Variants in CEP63 observed in about 807,000 individuals in gnomAD.
CEP63 encodes centrosomal protein of 63 kDa.
In CEP63, 84 loss-of-function variants were observed where a neutral mutation model predicts 89.1. The ratio of observed to expected loss-of-function variants is 0.94; its 90% confidence interval spans 0.79 to 1.13. The LOEUF (loss-of-function observed/expected upper bound fraction) is 1.13. Ranked by LOEUF, CEP63 falls within the 50% of genes most tolerant of loss-of-function variation. CEP63 has a pLI of 0.00. For missense variants in CEP63, 838 were observed against 813.3 expected (o/e 1.03, Z -0.37); for synonymous variants, 267 against 272.5 (o/e 0.98, Z 0.20).
intron 5 of CEP63, among the ~76,000 whole-genome samples, chr3:134,533,587 G>A (rs928518307): frequency 7.2e-5 from 11 of 152,190 alleles, no homozygotes; most frequent in Admixed American, 3.3e-4. Context: ...ACCAAGAGTA[G>A]ATGAAGGAAG....
chr3:134,685,371 T>A, the CEP63 span, among the ~76,000 whole-genome samples: 1 of 152,124 alleles, frequency 6.6e-6, no homozygotes, highest in Non-Finnish European at 1.5e-5. Flanking sequence ...AACACAAACA[T>A]ACTGAAGCCT....
intron 4 of CEP63, among the ~76,000 whole-genome samples, chr3:134,532,509 TG>T (rs1282038024): frequency 2.6e-5 from 4 of 152,212 alleles, no homozygotes; most frequent in Admixed American, 2.6e-4. Flanking sequence ...ATTGTGGGGC[TG>T]GGTGGTAGGG....
chr3:134,550,374 T>C, intron 11 of CEP63, 114 bp downstream of exon 11: 2 of 1,021,136 alleles, frequency 2.0e-6, no homozygotes, highest in Non-Finnish European at 3.0e-6. Context: ...GATACCTGCT[T>C]TGAGCTGAGA....
chr3:134,509,673 T>C (rs561893248), intron 3 of CEP63, among the ~76,000 whole-genome samples: 58 of 152,066 alleles, frequency 3.8e-4, no homozygotes, highest in African/African-American at 1.2e-3. Flanking sequence ...ACAGGAGAAG[T>C]AAAAAAACAG....
the CEP63 span, among the ~76,000 whole-genome samples, chr3:134,632,990 G>C: frequency 6.6e-6 from 1 of 151,950 alleles, no homozygotes; most frequent in Non-Finnish European, 1.5e-5. Context: ...AAACTTCTGT[G>C]CACATAAATT....
the CEP63 span, among the ~76,000 whole-genome samples, chr3:134,667,394 G>C: frequency 6.6e-6 from 1 of 152,148 alleles, no homozygotes; most frequent in Non-Finnish European, 1.5e-5. Flanking sequence ...TGGCGGGAGA[G>C]GCAAATTCAG....
the CEP63 span, among the ~76,000 whole-genome samples, chr3:134,686,662 A>G: frequency 2.0e-5 from 3 of 152,228 alleles, no homozygotes; most frequent in Non-Finnish European, 1.5e-5. Context: ...ACTCAGGGAA[A>G]GGTCACAAAG....
At chr3:134,538,864 C>T (rs1023180253) in intron 6 of CEP63, among the ~76,000 whole-genome samples, 10 of 151,860 alleles carry the variant, frequency 6.6e-5, no homozygotes, top group African/African-American at 2.4e-4. Flanking sequence ...TTTCATATTA[C>T]TGTTGTGATT....
At chr3:134,619,637 C>A in the CEP63 span, among the ~76,000 whole-genome samples, 1 of 152,324 alleles carries the variant, frequency 6.6e-6, no homozygotes, top group Non-Finnish European at 1.5e-5. Context: ...TCATGCTGAC[C>A]CATGGGGCAC....
chr3:134,530,490 A>G (rs370978054), intron 3 of CEP63, among the ~76,000 whole-genome samples: 2 of 152,166 alleles, frequency 1.3e-5, no homozygotes, highest in African/African-American at 4.8e-5. Flanking sequence ...TTGTGTACTA[A>G]AAGTTAAAAG....
the CEP63 span, among the ~76,000 whole-genome samples, chr3:134,600,368 A>T: frequency 6.6e-6 from 1 of 152,216 alleles, no homozygotes; most frequent in African/African-American, 2.4e-5. Context: ...AACAGGAAAT[A>T]GTTCTTTATG....
At chr3:134,532,997 C>A in intron 5 of CEP63, 97 bp downstream of exon 5, 1 of 1,305,224 alleles carries the variant, frequency 7.7e-7, no homozygotes, top group Non-Finnish European at 1.1e-6. Context: ...CAATTTTCTA[C>A]TATCTTAAGG....
chr3:134,532,815 A>T lies in CEP63; in HGVS notation c.356A>T (p.Lys119Ile). 2 of 1,611,812 alleles carry T rather than the reference A, an allele frequency of 1.2e-6. No individual in the cohort carries two copies. The highest frequency in any genetic ancestry group is 1.7e-6 in the Non-Finnish European group (2 of 1,178,144). ...ILKRSYEKLQKKQMREFRGNT... is the reference protein window; with the variant it reads ...ILKRSYEKLQIKQMREFRGNT... The stretch of plus-strand genomic sequence containing the variant: ...AAGAGAAGCTATGAAAAGCTTCAGA[A>T]AAAGCAAATGAGGGAATTCAGAGGA... The change falls in exon 5 of 15, where the codon AAA becomes ATA. Residue 119 changes from lysine to isoleucine, a missense_variant. Lys to Ile is a moderately radical substitution (Grantham distance 102). Transcript: ENST00000675561.
At chr3:134,591,232 C>T (rs548009719), downstream of CEP63, among the ~76,000 whole-genome samples, 1 of 152,334 alleles carries the variant, frequency 6.6e-6, no homozygotes, top group East Asian at 1.9e-4. Flanking sequence ...TCCAGCATTG[C>T]TAGTGTGAAG....
intron 3 of CEP63, among the ~76,000 whole-genome samples, chr3:134,530,735 C>T (rs984467156): frequency 7.9e-5 from 12 of 152,068 alleles, no homozygotes; most frequent in African/African-American, 2.2e-4. Context: ...ACCCATTCTT[C>T]CAGTTTGAAC....
the CEP63 span, chr3:134,629,367 G>C: frequency 1.5e-5 from 7 of 479,870 alleles, no homozygotes. Flanking sequence ...CAACACTCTT[G>C]TGATGCAATG....
Position 134,558,448 on chromosome 3 carries a change from A to G in CEP63, c.1673+101A>G, listed in dbSNP as rs550655122. On this transcript the variant is annotated intron_variant, in intron 13 of 14. Transcript: ENST00000675561. ...ACTTACAGAAATTAAATCTTCATCA[A>G]AGGACTCTATGTTTAATTCTGAAGT... is the stretch of plus-strand genomic sequence containing the variant. 3.5e-6 allele frequency: 3 copies of G among 854,300 alleles called. No individual in the cohort carries two copies. In the African/African-American group the frequency reaches 5.1e-5, roughly 15 times the overall value. The allele number at this position is 854,300 out of a possible 1,614,324, so 52.9% of individuals were successfully genotyped here. A position where few individuals can be genotyped will look rare whatever the true frequency, so the allele number is the denominator to read the frequency against.
chr3:134,751,426 T>G, the CEP63 span, among the ~76,000 whole-genome samples: 14 of 152,240 alleles, frequency 9.2e-5, no homozygotes, highest in African/African-American at 3.4e-4. Context: ...AACTTTTTGA[T>G]GAACCTACAT....
At chr3:134,772,923 G>A in the CEP63 span, among the ~76,000 whole-genome samples, 3 of 152,206 alleles carry the variant, frequency 2.0e-5, no homozygotes, top group African/African-American at 7.2e-5. Flanking sequence ...CTTCTGGTAG[G>A]TTGGGAGAGC....
Sources: allele counts gnomAD v4.1 joint callset (sites outside exome capture counted in the v4.1 genomes callset), GRCh38; gene constraint gnomAD v4.1.1; transcripts MANE v1.5; gene names NCBI Gene and HGNC (gene_info 2026-07-23, HGNC 2026-07-21).